ARRB1: variants seen among roughly 807,000 people sequenced by gnomAD.
ARRB1 encodes the protein beta-arrestin-1.
A neutral mutation model predicts 56.8 loss-of-function variants in ARRB1; 21 were observed. The observed-to-expected ratio is 0.37, with a 90% CI of 0.26 to 0.53. ARRB1 has a LOEUF of 0.53. Among genes scored for constraint, ARRB1 ranks in the 20% least tolerant of loss-of-function variants. The probability of loss-of-function intolerance (pLI) is 0.88; values close to 1 mark genes in which losing one functional copy is unlikely to be tolerated. For missense variants in ARRB1, 424 were observed against 553.7 expected (o/e 0.77, Z 2.35); for synonymous variants, 210 against 218.6 (o/e 0.96, Z 0.35).
chr11:75,294,351 G>A (rs1946676243), intron 1 of ARRB1, among the ~76,000 whole-genome samples: 1 of 152,010 alleles, frequency 6.6e-6, no homozygotes, highest in South Asian at 2.1e-4. Flanking sequence ...GAGGTCAGGA[G>A]TTCAAGACCA....
intron 1 of ARRB1, among the ~76,000 whole-genome samples, chr11:75,319,896 G>A (rs1345964969): frequency 1.3e-5 from 2 of 152,176 alleles, no homozygotes; most frequent in East Asian, 3.9e-4. Flanking sequence ...GTGCTTCCAG[G>A]CCTGGAGTAA....
intron 10 of ARRB1, 114 bp downstream of exon 10, chr11:75,276,725 G>C (rs1012814626): frequency 1.0e-6 from 1 of 990,274 alleles, no homozygotes; most frequent in South Asian, 1.5e-5. Flanking sequence ...GAAGTCTGAG[G>C]CCCAGCCCTC....
intron 15 of ARRB1, among the ~76,000 whole-genome samples, chr11:75,266,858 G>T (rs371522697): frequency 5.0e-4 from 76 of 152,212 alleles, no homozygotes; most frequent in African/African-American, 1.7e-3. Context: ...GAAGGCTGGG[G>T]TAGGAGGATG....
chr11:75,322,705 A>G (rs1947366287), intron 1 of ARRB1, among the ~76,000 whole-genome samples: 1 of 152,158 alleles, frequency 6.6e-6, no homozygotes, highest in South Asian at 2.1e-4. Flanking sequence ...TAATTGACAC[A>G]ATGCAGTCAT....
At chr11:75,319,343 G>A (rs1947310577) in intron 1 of ARRB1, among the ~76,000 whole-genome samples, 1 of 152,212 alleles carries the variant, frequency 6.6e-6, no homozygotes, top group South Asian at 2.1e-4. Context: ...ACCAGGTGAG[G>A]GGGCCAATCA....
chr11:75,285,607 A>T (rs951584864), intron 3 of ARRB1, among the ~76,000 whole-genome samples: 2 of 152,116 alleles, frequency 1.3e-5, no homozygotes, highest in Non-Finnish European at 2.9e-5. Context: ...TGATCAGATC[A>T]AGCCAAATGG....
chr11:75,312,776 T>G (rs1262580642), intron 1 of ARRB1, among the ~76,000 whole-genome samples: 1 of 152,202 alleles, frequency 6.6e-6, no homozygotes, highest in African/African-American at 2.4e-5. Flanking sequence ...AAATCTACAC[T>G]GCTGGCTTCA....
intron 1 of ARRB1, among the ~76,000 whole-genome samples, chr11:75,302,151 A>T (rs1263795122): frequency 6.6e-6 from 1 of 152,026 alleles, no homozygotes; most frequent in East Asian, 1.9e-4. Flanking sequence ...CTCCCAGGGC[A>T]CAGGGCAGTG....
chr11:75,351,446 G>GGA, intron 1 of ARRB1, 142 bp downstream of exon 1: 1 of 1,305,948 alleles, frequency 7.7e-7, no homozygotes, highest in South Asian at 1.5e-5. Flanking sequence ...AGACCACACA[G>GGA]GAGACCTCGG....
At chr11:75,296,745 G>A (rs1416969983) in intron 1 of ARRB1, among the ~76,000 whole-genome samples, 4 of 151,792 alleles carry the variant, frequency 2.6e-5, no homozygotes, top group African/African-American at 9.7e-5. Context: ...CGGCACCAGC[G>A]AGGCTCACTG....
intron 1 of ARRB1, among the ~76,000 whole-genome samples, chr11:75,305,000 CTTTTCT>C (rs1372633064): frequency 2.9e-5 from 4 of 135,646 alleles, no homozygotes; most frequent in Non-Finnish European, 6.4e-5. Flanking sequence ...ATTTTCTTTT[CTTTTCT>C]TTTCTTTCTT....
intron 15 of ARRB1, 41 bp downstream of exon 15, chr11:75,267,610 CG>C: frequency 7.2e-7 from 1 of 1,386,878 alleles, no homozygotes; most frequent in Non-Finnish European, 1.0e-6. Context: ...CCCGCCCACC[CG>C]CGGCCCACCC....
chr11:75,268,838 G>A (rs747292419), intron 14 of ARRB1, 51 bp downstream of exon 14: 11 of 1,586,152 alleles, frequency 6.9e-6, no homozygotes, highest in South Asian at 4.6e-5. Context: ...ACAGGGTCAC[G>A]TGGCAGCTGC....
Position 75,268,877 on chromosome 11 carries a change from G to A in ARRB1, c.1093+12C>T. ...AGAACCCCTACCCCAGAGACCTACAGATTCTGCTCACCTTCCCGATGCGGG... is the reference window on the plus strand; with the variant it reads ...AGAACCCCTACCCCAGAGACCTACAAATTCTGCTCACCTTCCCGATGCGGG... On this transcript the variant is annotated intron_variant, in intron 14 of 15. Transcript: ENST00000420843. The A allele has an allele frequency of 6.2e-7, 1 of 1,608,886 alleles. No homozygotes were observed. Among genetic ancestry groups the A allele is most frequent in the Non-Finnish European group, 8.5e-7 (1 of 1,178,662 alleles).
intron 1 of ARRB1, among the ~76,000 whole-genome samples, chr11:75,320,020 T>G (rs757973915): frequency 6.6e-6 from 1 of 152,100 alleles, no homozygotes; most frequent in Non-Finnish European, 1.5e-5. Flanking sequence ...CGAAGCCCCA[T>G]CGGGGACAGG....
intron 2 of ARRB1, among the ~76,000 whole-genome samples, chr11:75,287,608 G>C (rs1946511773): frequency 4.6e-5 from 7 of 152,202 alleles, no homozygotes; most frequent in Admixed American, 4.6e-4. Context: ...AGTCATTATT[G>C]TTCCTGTTTT....
Position 75,334,040 on chromosome 11 carries a change from T to C in ARRB1, c.20+17548A>G, listed in dbSNP as rs115637731. 6.1e-3 allele frequency among the ~76,000 whole-genome samples: 934 copies of C among 152,066 alleles called. 9 individuals are homozygous for C. Among genetic ancestry groups the C allele is most frequent in the African/African-American group, 0.021 (883 of 41,506 alleles). On this transcript the variant is annotated intron_variant, in intron 1 of 15. Coordinates refer to ENST00000420843, the MANE Select transcript of ARRB1 (RefSeq NM_004041.5). ...TACTCTGCCCCACTCCCACAGAAGGTCCCATCCCAGGCCGGGCGCGGTGGC... is the reference window on the plus strand; with the variant it reads ...TACTCTGCCCCACTCCCACAGAAGGCCCCATCCCAGGCCGGGCGCGGTGGC...
In ARRB1 at chr11:75,263,058, G is replaced by A. The variant is rs1042922947; in HGVS notation, c.*3105C>T. 1.3e-5 allele frequency among the ~76,000 whole-genome samples: 2 copies of A among 152,190 alleles called. No homozygotes were observed. The highest frequency in any genetic ancestry group is 2.4e-5 in the African/African-American group (1 of 41,444). On this transcript the variant is annotated 3_prime_UTR_variant, in exon 16 of 16. Coordinates refer to ENST00000420843, the MANE Select transcript of ARRB1 (RefSeq NM_004041.5). ...ACCGGTGTCCACACGCCACCCACAG[G>A]GCACACTGCAAAGTCCCAGTGACGG...
chr11:75,284,197 C>T (rs377249202), intron 4 of ARRB1, 38 bp downstream of exon 4: 27 of 1,571,402 alleles, frequency 1.7e-5, no homozygotes, highest in African/African-American at 5.4e-5. Context: ...GAAGAGGAGG[C>T]GGCCCTTGAC....
Sources: gnomAD v4.1 joint callset for allele counts (sites outside exome capture counted in the v4.1 genomes callset) on GRCh38, gnomAD v4.1.1 for gene constraint, MANE v1.5 for transcripts, NCBI Gene and HGNC (gene_info 2026-07-23, HGNC 2026-07-21) for gene names.